The following DLG2 variants were observed in gnomAD, a reference collection of about 807,000 sequenced individuals.
DLG2 encodes disks large homolog 2.
Under a neutral mutation model 132.5 loss-of-function variants are expected in DLG2, and 45 were observed. The observed-to-expected ratio is 0.34, with a 90% confidence interval of 0.27 to 0.44. The LOEUF is 0.44. Among genes scored for constraint, DLG2 ranks in the 20% least tolerant of loss-of-function variants. The pLI, the probability that DLG2 is intolerant of heterozygous loss-of-function variation, is 1.00. For synonymous variants in DLG2, 424 were observed against 419.6 expected, an observed-to-expected ratio of 1.01 and a Z score of -0.13; for missense variants, 1,045 against 1,196.9, an observed-to-expected ratio of 0.87 and a Z score of 1.87.
chr11:85,200,242 CCT>C (rs908328610), intron 4 of DLG2, among the ~76,000 whole-genome samples: 1 of 152,088 alleles, frequency 6.6e-6, no homozygotes, highest in African/African-American at 2.4e-5. Context: ...TAGCTATAGC[CCT>C]CTTTGTCTTT....
chr11:85,239,624 A>G (rs2075775610), intron 4 of DLG2, among the ~76,000 whole-genome samples: 1 of 152,028 alleles, frequency 6.6e-6, no homozygotes, highest in South Asian at 2.1e-4. Context: ...AACTTTAAAT[A>G]TAGTGGTTTT....
intron 7 of DLG2, among the ~76,000 whole-genome samples, chr11:84,296,341 T>C (rs2098088368): frequency 6.6e-6 from 1 of 152,186 alleles, no homozygotes; most frequent in African/African-American, 2.4e-5. Context: ...CAGACAGGAT[T>C]CCACTGTAAA....
intron 6 of DLG2, among the ~76,000 whole-genome samples, chr11:84,631,976 C>A (rs1427242107): frequency 6.6e-6 from 1 of 152,066 alleles, no homozygotes; most frequent in East Asian, 1.9e-4. Flanking sequence ...ATGAGAAGTC[C>A]CTAACATAAT....
At position 83,457,551 on chromosome 11, in the gene DLG2, A is replaced by G. The variant is rs1478355488; in HGVS notation, c.*2267T>C. On this transcript the variant is annotated 3_prime_UTR_variant, in exon 28 of 28. Transcript: ENST00000376104. ...TTGGTGGTTCAATTTGATTGTACTT[A>G]GCCACAGCAACACTAGTAAATGGAA... 6.6e-6 allele frequency: 1 copy of G among 152,660 alleles called. No homozygotes were observed. Among genetic ancestry groups the G allele is most frequent in the Admixed American group, 6.5e-5 (1 of 15,284 alleles). The allele number at this position is 152,660 out of a possible 1,614,324, so 9.5% of individuals were successfully genotyped here. A position where few individuals can be genotyped will look rare whatever the true frequency, so the allele number is the denominator to read the frequency against.
chr11:83,706,992 C>T (rs2153655156), intron 18 of DLG2, among the ~76,000 whole-genome samples: 1 of 152,360 alleles, frequency 6.6e-6, no homozygotes, highest in Non-Finnish European at 1.5e-5. Context: ...AACATAGATA[C>T]TTTCCATACA....
chr11:83,815,715 CACTTT>C (rs2048700727), intron 17 of DLG2, among the ~76,000 whole-genome samples: 1 of 152,166 alleles, frequency 6.6e-6, no homozygotes, highest in Non-Finnish European at 1.5e-5. Context: ...CAGTGCCTTT[CACTTT>C]ACTTCAGCTA....
chr11:85,180,026 C>T (rs1268820997), intron 4 of DLG2, among the ~76,000 whole-genome samples: 1 of 151,808 alleles, frequency 6.6e-6, no homozygotes, highest in Non-Finnish European at 1.5e-5. Flanking sequence ...ACCTTTGTGA[C>T]CATTCTATTC....
intron 3 of DLG2, among the ~76,000 whole-genome samples, chr11:85,415,678 T>C (rs936567380): frequency 5.9e-5 from 9 of 152,194 alleles, no homozygotes; most frequent in African/African-American, 1.9e-4. Flanking sequence ...TGTCTGTTCA[T>C]ATCCTTTGCC....
At chr11:84,520,467 T>C (rs2154516476) in intron 7 of DLG2, among the ~76,000 whole-genome samples, 1 of 152,258 alleles carries the variant, frequency 6.6e-6, no homozygotes, top group Admixed American at 6.5e-5. Context: ...AGAATTGTCA[T>C]CTCTTTGTTC....
intron 3 of DLG2, among the ~76,000 whole-genome samples, chr11:85,317,238 C>T (rs970662487): frequency 5.3e-5 from 8 of 151,970 alleles, no homozygotes; most frequent in Admixed American, 2.0e-4. Flanking sequence ...CAGACATAGA[C>T]GGGGCTCCAT....
chr11:84,077,212 ACT>A (rs1486168059), intron 10 of DLG2, among the ~76,000 whole-genome samples: 1 of 151,776 alleles, frequency 6.6e-6, no homozygotes, highest in Non-Finnish European at 1.5e-5. Flanking sequence ...GTTTATACAC[ACT>A]CTCTCTATTT....
chr11:84,653,094 T>A (rs2099684102), intron 6 of DLG2, among the ~76,000 whole-genome samples: 1 of 152,172 alleles, frequency 6.6e-6, no homozygotes. Context: ...CACGCCCGGA[T>A]AATTTTTGTA....
chr11:84,143,282 T>C (rs1341091828), intron 9 of DLG2, among the ~76,000 whole-genome samples: 1 of 148,470 alleles, frequency 6.7e-6, no homozygotes, highest in East Asian at 1.9e-4. Context: ...TGACAAGGCT[T>C]TTCAGGGGAG....
chr11:84,338,186 A>G (rs1439713489), intron 7 of DLG2, among the ~76,000 whole-genome samples: 1 of 152,194 alleles, frequency 6.6e-6, no homozygotes, highest in Non-Finnish European at 1.5e-5. Flanking sequence ...GCCAGCACCC[A>G]CATGAATCTA....
At chr11:85,500,283 T>C (rs1260472220) in intron 3 of DLG2, among the ~76,000 whole-genome samples, 1 of 140,258 alleles carries the variant, frequency 7.1e-6, no homozygotes, top group East Asian at 2.0e-4. Flanking sequence ...CAGTAAACTA[T>C]CGCAAGAACA....
chr11:85,172,415 C>A (rs1185043316), intron 4 of DLG2, among the ~76,000 whole-genome samples: 1 of 152,132 alleles, frequency 6.6e-6, no homozygotes, highest in Non-Finnish European at 1.5e-5. Flanking sequence ...CAGAAAGCTA[C>A]AACAACAACA....
chr11:84,398,406 G>C (rs1430984762), intron 7 of DLG2, among the ~76,000 whole-genome samples: 1 of 152,126 alleles, frequency 6.6e-6, no homozygotes, highest in Non-Finnish European at 1.5e-5. Context: ...TGGTATCTAA[G>C]GTTTTGGAAG....
At chr11:84,598,886 T>A (rs1278319484) in intron 6 of DLG2, among the ~76,000 whole-genome samples, 2 of 151,106 alleles carry the variant, frequency 1.3e-5, no homozygotes, top group Non-Finnish European at 2.9e-5. Context: ...GGAGGCTGCA[T>A]TAAGCCACGA....
At chr11:85,379,242 C>T (rs1336051193) in intron 3 of DLG2, among the ~76,000 whole-genome samples, 2 of 152,146 alleles carry the variant, frequency 1.3e-5, no homozygotes, top group Non-Finnish European at 2.9e-5. Flanking sequence ...GACTCCCTAG[C>T]TCTGTCCCTT....
Sources: gnomAD v4.1 joint callset for allele counts (sites outside exome capture counted in the v4.1 genomes callset) on GRCh38, gnomAD v4.1.1 for gene constraint, MANE v1.5 for transcripts, NCBI Gene and HGNC (gene_info 2026-07-23, HGNC 2026-07-21) for gene names.